Variants in KCNJ6 observed in about 807,000 individuals in gnomAD.
KCNJ6 encodes potassium inwardly rectifying channel subfamily J member 6, also known as G protein-activated inward rectifier potassium channel 2.
A neutral mutation model predicts 34.2 loss-of-function variants in KCNJ6; 9 were observed. That is an observed-to-expected ratio of 0.26 (90% CI 0.16 to 0.46). The LOEUF (loss-of-function observed/expected upper bound fraction) is 0.46, where lower values mean the gene tolerates loss of function less well. Among genes scored for constraint, KCNJ6 ranks in the 20% least tolerant of loss-of-function variants. KCNJ6 has a pLI of 1.00. For synonymous variants in KCNJ6, 196 were observed against 207.1 expected (o/e 0.95, Z 0.46); for missense variants, 236 against 531.3 (o/e 0.44, Z 5.46).
Position 37,618,483 on chromosome 21 carries a change from G to C in KCNJ6, c.*6676C>G, listed in dbSNP as rs1569430491. The C allele has an allele frequency of 6.6e-6, 1 of 152,188 alleles. No homozygotes were observed. Among genetic ancestry groups the C allele is most frequent in the African/African-American group, 2.4e-5 (1 of 41,458 alleles). 9.4% of individuals were successfully genotyped at this position (152,188 alleles called of 1,614,324 possible). ...TTGGTAGCAGATATTTACATTGCCT[G>C]AGAAAAACAGCCCTTCATATTCTTA... is the stretch of plus-strand genomic sequence containing the variant. On this transcript the variant is annotated 3_prime_UTR_variant, in exon 4 of 4. Coordinates refer to ENST00000609713, the MANE Select transcript of KCNJ6 (RefSeq NM_002240.5).
rs911554782 is a variant in KCNJ6 at position 37,629,807 on chromosome 21, C to T, written c.947-4323G>A. Among the ~76,000 whole-genome samples, 4 of 152,210 alleles carry T rather than the reference C, an allele frequency of 2.6e-5. No individual in the cohort carries two copies. In the South Asian group the frequency reaches 8.3e-4, roughly 32 times the overall value. ...AGAGGAAAATACCTTTCCGTAGTGC[C>T]ATTTGAAGAGGAGTATTTAATTTAT... is the stretch of plus-strand genomic sequence containing the variant. On this transcript the variant is annotated intron_variant, in intron 3 of 3. Transcript: ENST00000609713.
chr21:37,785,881 T>C (rs2123517056), intron 2 of KCNJ6, among the ~76,000 whole-genome samples: 1 of 152,322 alleles, frequency 6.6e-6, no homozygotes, highest in East Asian at 1.9e-4. Flanking sequence ...TCAAGGGAGC[T>C]TGCTTACCTC....
chr21:37,643,805 G>T (rs2054391920), intron 3 of KCNJ6, among the ~76,000 whole-genome samples: 1 of 152,168 alleles, frequency 6.6e-6, no homozygotes, highest in Non-Finnish European at 1.5e-5. Flanking sequence ...AAGGCAGAGG[G>T]TTACTAGAGA....
chr21:37,875,237 A>G (rs927473694), intron 1 of KCNJ6, among the ~76,000 whole-genome samples: 4 of 152,224 alleles, frequency 2.6e-5, no homozygotes, highest in African/African-American at 9.6e-5. Flanking sequence ...ATTTTTGTAA[A>G]ATAAAAAAAT....
intron 2 of KCNJ6, among the ~76,000 whole-genome samples, chr21:37,814,355 T>C (rs1160765268): frequency 6.6e-6 from 1 of 152,178 alleles, no homozygotes; most frequent in Non-Finnish European, 1.5e-5. Context: ...ACAACCACTA[T>C]GGAGAACAGT....
intron 1 of KCNJ6, among the ~76,000 whole-genome samples, chr21:37,912,335 G>A (rs1053346705): frequency 6.6e-6 from 1 of 152,116 alleles, no homozygotes; most frequent in African/African-American, 2.4e-5. Context: ...GTCATAGTTC[G>A]GTGAATAAGC....
chr21:37,758,060 C>T (rs1048543763), intron 2 of KCNJ6, among the ~76,000 whole-genome samples: 7 of 151,848 alleles, frequency 4.6e-5, no homozygotes, highest in Non-Finnish European at 1.0e-4. Flanking sequence ...GGGAGGAGAC[C>T]CTGGGCCTGG....
chr21:37,782,221 A>G (rs1358599393), intron 2 of KCNJ6, among the ~76,000 whole-genome samples: 1 of 152,156 alleles, frequency 6.6e-6, no homozygotes, highest in African/African-American at 2.4e-5. Flanking sequence ...GGAAAAGGCA[A>G]GGGAAAGGGT....
chr21:37,746,382 A>G (rs1568832010), intron 2 of KCNJ6, among the ~76,000 whole-genome samples: 1 of 152,134 alleles, frequency 6.6e-6, no homozygotes, highest in African/African-American at 2.4e-5. Flanking sequence ...CACTTCCTTC[A>G]TTCTTCCAGC....
At position 37,675,586 on chromosome 21, in the gene KCNJ6, G is replaced by T. The variant is rs761577433; in HGVS notation, c.946+38625C>A. ...CCCAGTCCCTGGGCGCCGCCGCATC[G>T]CCCTGCCCTGAGCGGAATTCTCCGG... is the stretch of plus-strand genomic sequence containing the variant. On this transcript the variant is annotated intron_variant, in intron 3 of 3. Transcript: ENST00000609713. This position sits in a 1 kb window ranked among gnomAD's most constrained non-coding sequence, Gnocchi z 4.2. Among the ~76,000 whole-genome samples the T allele has an allele frequency of 2.0e-4, 30 of 152,342 alleles. No homozygotes were observed. Among genetic ancestry groups the T allele is most frequent in the African/African-American group, 7.0e-4 (29 of 41,584 alleles).
intron 3 of KCNJ6, among the ~76,000 whole-genome samples, chr21:37,705,264 G>T (rs1398005851): frequency 6.6e-6 from 1 of 152,196 alleles, no homozygotes; most frequent in African/African-American, 2.4e-5. Flanking sequence ...CAGATAGACT[G>T]GGGAAGGGGC....
intron 3 of KCNJ6, among the ~76,000 whole-genome samples, chr21:37,689,946 A>G (rs1441317197): frequency 6.6e-6 from 1 of 152,134 alleles, no homozygotes; most frequent in East Asian, 1.9e-4. Context: ...TTCTCCATTA[A>G]TGACCCCCAC....
intron 1 of KCNJ6, 74 bp downstream of exon 1, chr21:37,915,810 A>C (rs2055890726): frequency 6.6e-6 from 1 of 152,152 alleles, no homozygotes; most frequent in African/African-American, 2.4e-5. Context: ...GGACGCGGGG[A>C]CCCGAGAGCA....
chr21:37,691,398 T>G (rs2054639094), intron 3 of KCNJ6, among the ~76,000 whole-genome samples: 1 of 152,210 alleles, frequency 6.6e-6, no homozygotes, highest in Admixed American at 6.5e-5. Flanking sequence ...TCTGATGATT[T>G]ATCTTCAATG....
intron 2 of KCNJ6, among the ~76,000 whole-genome samples, chr21:37,730,159 G>A (rs1478079420): frequency 1.3e-5 from 2 of 152,254 alleles, no homozygotes; most frequent in African/African-American, 4.8e-5. Context: ...GTGGAGCTTG[G>A]AGACAGCCAG....
intron 1 of KCNJ6, among the ~76,000 whole-genome samples, chr21:37,861,065 A>T (rs939828212): frequency 2.6e-5 from 4 of 152,230 alleles, no homozygotes; most frequent in Non-Finnish European, 5.9e-5. Flanking sequence ...GATTAATGAT[A>T]TGAAAACCAC....
chr21:37,808,859 T>C (rs2055306923), intron 2 of KCNJ6, among the ~76,000 whole-genome samples: 1 of 152,218 alleles, frequency 6.6e-6, no homozygotes, highest in Admixed American at 6.5e-5. Flanking sequence ...TTGTTAGTCT[T>C]TCTCCCCTTT....
chr21:37,869,172 G>A (rs1601509557), intron 1 of KCNJ6, among the ~76,000 whole-genome samples: 1 of 152,206 alleles, frequency 6.6e-6, no homozygotes, highest in Non-Finnish European at 1.5e-5. Flanking sequence ...GGACATGGAG[G>A]GATAGAAGCC....
At chr21:37,770,959 C>A (rs1239747839) in intron 2 of KCNJ6, among the ~76,000 whole-genome samples, 1 of 152,016 alleles carries the variant, frequency 6.6e-6, no homozygotes, top group Non-Finnish European at 1.5e-5. Flanking sequence ...TGTAGAATGT[C>A]AAAGGATAAG....
Sources: allele counts gnomAD v4.1 joint callset (sites outside exome capture counted in the v4.1 genomes callset), GRCh38; gene constraint gnomAD v4.1.1; non-coding constraint Gnocchi (gnomAD v3.1); transcripts MANE v1.5; gene names NCBI Gene and HGNC (gene_info 2026-07-23, HGNC 2026-07-21).